Variants in USH2A observed in about 807,000 individuals in gnomAD.
USH2A encodes usherin.
In USH2A, 443 loss-of-function variants were observed where a neutral mutation model predicts 538.9. That is an observed-to-expected ratio of 0.82 (90% CI 0.76 to 0.89). The LOEUF is 0.89. Among genes scored for constraint, USH2A ranks in the 40% least tolerant of loss-of-function variants. USH2A has a pLI of 0.00. For synonymous variants in USH2A, 2,413 were observed against 2,273.5 expected (o/e 1.06, Z -1.75); for missense variants, 6,633 against 6,324.8 (o/e 1.05, Z -1.65).
intron 61 of USH2A, among the ~76,000 whole-genome samples, chr1:215,701,229 T>C (rs1659003820): frequency 6.6e-6 from 1 of 152,174 alleles, no homozygotes; most frequent in Non-Finnish European, 1.5e-5. Context: ...TCCAATTATG[T>C]GGTCAGTTTT....
At position 216,089,117 on chromosome 1, in the gene USH2A, G is replaced by A. The variant is rs2032224784; in HGVS notation, c.4781C>T (p.Thr1594Ile). The A allele has an allele frequency of 6.2e-7, 1 of 1,613,050 alleles. No homozygotes were observed. The highest frequency in any genetic ancestry group is 8.5e-7 in the Non-Finnish European group (1 of 1,179,302). The change falls in exon 23 of 72, where the codon ACA becomes ATA. Residue 1594 changes from threonine (T) to isoleucine (I), a missense_variant. Transcript: ENST00000307340. The part of the protein sequence containing the change: ...DPQGSPVEVT[T>I]TNDHGKQYSD... ...ATATTGTTTGCCATGATCATTAGTT[G>A]TAGTTACTTCCACTGGTGACCCCTT...
intron 49 of USH2A, among the ~76,000 whole-genome samples, chr1:215,807,496 A>G (rs989588721): frequency 6.6e-6 from 1 of 152,178 alleles, no homozygotes; most frequent in African/African-American, 2.4e-5. Context: ...GTAGCATACA[A>G]TCGACATAAA....
At chr1:216,050,607 T>TCTTTCTTTCTTTC (rs1553294758) in intron 30 of USH2A, among the ~76,000 whole-genome samples, 152 of 59,128 alleles carry the variant, frequency 2.6e-3, no homozygotes, top group African/African-American at 7.0e-3. Context: ...TTTCTTTCTT[T>TCTTTCTTTCTTTC]TTTTTTTTTT....
intron 15 of USH2A, among the ~76,000 whole-genome samples, chr1:216,210,018 CT>C (rs1205744428): frequency 6.6e-6 from 1 of 152,118 alleles, no homozygotes; most frequent in Non-Finnish European, 1.5e-5. Context: ...CCTTGTCTGA[CT>C]GTGGGTCATG....
intron 3 of USH2A, among the ~76,000 whole-genome samples, chr1:216,398,260 A>G (rs2039249104): frequency 1.3e-5 from 2 of 152,108 alleles, no homozygotes; most frequent in Admixed American, 1.3e-4. Context: ...CAAAACAAAT[A>G]AGTGTAAGAT....
Position 215,640,710 on chromosome 1 carries a change from G to A in USH2A, c.14816C>T (p.Ser4939Leu), listed in dbSNP as rs775948052. The A allele has an allele frequency of 7.4e-6, 12 of 1,613,624 alleles. No homozygotes were observed. The highest frequency in any genetic ancestry group is 1.3e-5 in the African/African-American group (1 of 74,758). ...CACCACAGACAAATTGCTGTCCACC[G>A]AAAATGGGGCTCGGTACTGAGGCAC... ...KELPQYRAPF[S>L]VDSNLSVVCV... The change falls in exon 68 of 72, where the codon TCG becomes TTG. Residue 4939 changes from serine to leucine, a missense_variant. By Grantham distance (145) the Ser-to-Leu change is moderately radical. Transcript: ENST00000307340.
intron 37 of USH2A, among the ~76,000 whole-genome samples, chr1:215,964,169 C>A (rs1667272552): frequency 6.6e-6 from 1 of 152,090 alleles, no homozygotes; most frequent in East Asian, 1.9e-4. Flanking sequence ...GCATTATTCA[C>A]CCAGCTGCCT....
chr1:216,163,987 G>A (rs79750476), intron 21 of USH2A, among the ~76,000 whole-genome samples: 2,377 of 152,066 alleles, frequency 0.016, 69 homozygotes, highest in African/African-American at 0.054. Context: ...TCTTTTCTCA[G>A]CAGGAGGATT....
chr1:216,352,646 T>C (rs911415173), intron 4 of USH2A, among the ~76,000 whole-genome samples: 1 of 152,104 alleles, frequency 6.6e-6, no homozygotes, highest in African/African-American at 2.4e-5. Context: ...TAATTTTTCA[T>C]GGAAAAATAA....
At chr1:216,012,905 T>C (rs2102494202) in intron 32 of USH2A, among the ~76,000 whole-genome samples, 2 of 152,206 alleles carry the variant, frequency 1.3e-5, no homozygotes, top group East Asian at 3.9e-4. Flanking sequence ...ATCCCTACTA[T>C]CTTCTGTCTA....
Position 216,284,580 on chromosome 1 carries a change from A to ATTT in USH2A, c.1971+4699_1971+4700insAAA, listed in dbSNP as rs2036845906. On this transcript the variant is annotated intron_variant, in intron 11 of 71. Transcript: ENST00000307340. ...TGAGAATGGACTAATACAATAAATC[A>ATTT]GTACTGGGTAGTGGGGCGCTGCTGT... Among the ~76,000 whole-genome samples the ATTT allele has an allele frequency of 2.0e-5, 3 of 152,210 alleles. No homozygotes were observed. The South Asian group carries it at 6.2e-4, about 32-fold the overall frequency.
At chr1:216,344,025 C>T (rs1349932673) in intron 4 of USH2A, among the ~76,000 whole-genome samples, 2 of 151,964 alleles carry the variant, frequency 1.3e-5, no homozygotes, top group Admixed American at 6.6e-5. Context: ...TATGGACTCA[C>T]CTTGAATTCT....
At chr1:216,280,478 A>G (rs760313515) in intron 11 of USH2A, among the ~76,000 whole-genome samples, 9 of 152,124 alleles carry the variant, frequency 5.9e-5, no homozygotes, top group South Asian at 4.1e-4. Flanking sequence ...ATTTATACAG[A>G]CATAAAATAT....
intron 32 of USH2A, among the ~76,000 whole-genome samples, chr1:216,024,975 G>A (rs1489160580): frequency 6.6e-6 from 1 of 151,856 alleles, no homozygotes; most frequent in Non-Finnish European, 1.5e-5. Flanking sequence ...TCCTATTATG[G>A]AGATTGAGCT....
In USH2A at chr1:216,046,510, A is replaced by G. The variant is rs2102524873; in HGVS notation, c.6246T>C (p.Asn2082=). Reference sequence around the variant, plus strand: ...ATAAACAGTACTGAGTTATAATACCATTTGCCTTTTTGGGTGGGTTCCAGG... The same window carrying G: ...ATAAACAGTACTGAGTTATAATACCGTTTGCCTTTTTGGGTGGGTTCCAGG... The part of the protein sequence containing the change: ...LLSWNPPKKA[N]GIITQYCLYM... The change falls in exon 32 of 72, where the codon AAT becomes AAC. Residue 2082 remains asparagine (N), a synonymous_variant. Transcript: ENST00000307340. The G allele has an allele frequency of 1.9e-6, 3 of 1,613,834 alleles. No individual in the cohort carries two copies. The highest frequency in any genetic ancestry group is 2.5e-6 in the Non-Finnish European group (3 of 1,179,794).
chr1:216,260,592 T>C (rs545759504), intron 11 of USH2A, among the ~76,000 whole-genome samples: 1 of 152,290 alleles, frequency 6.6e-6, no homozygotes, highest in Non-Finnish European at 1.5e-5. Flanking sequence ...AGAATAGCCA[T>C]AGTGCCAAGG....
At chr1:216,403,488 C>T (rs1013925316) in intron 3 of USH2A, among the ~76,000 whole-genome samples, 1 of 151,968 alleles carries the variant, frequency 6.6e-6, no homozygotes, top group Admixed American at 6.6e-5. Flanking sequence ...AAAACTGCTC[C>T]AAATTCAGAT....
At chr1:215,638,077 G>A (rs1270103565) in intron 69 of USH2A, among the ~76,000 whole-genome samples, 1 of 152,130 alleles carries the variant, frequency 6.6e-6, no homozygotes. Flanking sequence ...AATCTTTTAT[G>A]GAGAATAAAA....
At chr1:216,007,114 T>C (rs1668411966) in intron 32 of USH2A, among the ~76,000 whole-genome samples, 1 of 152,138 alleles carries the variant, frequency 6.6e-6, no homozygotes, top group Admixed American at 6.6e-5. Flanking sequence ...CATTTCTGTC[T>C]TGTGTGCTAC....
Sources: allele counts gnomAD v4.1 joint callset (sites outside exome capture counted in the v4.1 genomes callset), GRCh38; gene constraint gnomAD v4.1.1; transcripts MANE v1.5; gene names NCBI Gene and HGNC (gene_info 2026-07-23, HGNC 2026-07-21).